The following FHIT variants were observed in gnomAD, a reference collection of about 807,000 sequenced individuals.
FHIT encodes bis(5'-adenosyl)-triphosphatase.
FHIT carries 19 observed loss-of-function variants against 17.9 expected under a neutral mutation model. That is an observed-to-expected ratio of 1.06 (90% CI 0.74 to 1.56). The LOEUF is 1.56. Ranked by LOEUF, FHIT falls within the 40% of genes most tolerant of loss-of-function variation. FHIT has a pLI of 0.00. For synonymous variants in FHIT, 81 were observed against 69.7 expected (o/e 1.16, Z -0.81); for missense variants, 248 against 189.2 (o/e 1.31, Z -1.82).
rs189727560 is a variant in FHIT, at chr3:60,573,762, T to A, written c.-17-36783A>T. Among the ~76,000 whole-genome samples, 292 of 151,984 alleles carry A rather than the reference T, an allele frequency of 1.9e-3. 4 individuals carry two copies. The highest frequency in any genetic ancestry group is 6.4e-3 in the African/African-American group (265 of 41,462). ...TTCCTCTACAGAGAAAACGAAAGAG[T>A]CTGCTATTGGTGATCATTCATTCTG... On this transcript the variant is annotated intron_variant, in intron 4 of 9. Transcript: ENST00000492590.
At chr3:60,083,782 G>T (rs1703386229) in intron 5 of FHIT, among the ~76,000 whole-genome samples, 1 of 152,212 alleles carries the variant, frequency 6.6e-6, no homozygotes, top group South Asian at 2.1e-4. Flanking sequence ...GGGTGTGGCT[G>T]TGTTCCAGTG....
chr3:60,410,323 TAAAG>T (rs1482819472), intron 5 of FHIT, among the ~76,000 whole-genome samples: 2 of 152,100 alleles, frequency 1.3e-5, no homozygotes, highest in African/African-American at 4.8e-5. Context: ...TTAAGGGTAC[TAAAG>T]AAAAGAAAGT....
At chr3:61,148,613 A>T (rs1033810742) in intron 2 of FHIT, among the ~76,000 whole-genome samples, 2 of 152,156 alleles carry the variant, frequency 1.3e-5, no homozygotes, top group African/African-American at 4.8e-5. Flanking sequence ...AAGGATAGAC[A>T]TTTGGATTTT....
At position 60,132,592 on chromosome 3, in the gene FHIT, T is replaced by C. The variant is rs539716693; in HGVS notation, c.104-118440A>G. On this transcript the variant is annotated intron_variant, in intron 5 of 9. Transcript: ENST00000492590. Reference sequence around the variant, plus strand: ...GAAGATACTTTTAGAATTGTGCCTATGCCCAAAAGTTAATAAATGGGTGAG... The same window carrying C: ...GAAGATACTTTTAGAATTGTGCCTACGCCCAAAAGTTAATAAATGGGTGAG... Among the ~76,000 whole-genome samples the C allele has an allele frequency of 3.3e-5, 5 of 152,304 alleles. No homozygotes were observed. In the South Asian group the frequency reaches 8.3e-4, roughly 25 times the overall value.
At chr3:60,714,372 A>C (rs1553706078) in intron 4 of FHIT, among the ~76,000 whole-genome samples, 1 of 152,124 alleles carries the variant, frequency 6.6e-6, no homozygotes, top group African/African-American at 2.4e-5. Context: ...GAAAACTGGC[A>C]CAAGACAGGG....
chr3:60,317,275 A>G (rs1307279422), intron 5 of FHIT, among the ~76,000 whole-genome samples: 1 of 152,072 alleles, frequency 6.6e-6, no homozygotes, highest in Admixed American at 6.6e-5. Context: ...CCCTATAACA[A>G]GTGCATATAT....
In FHIT at chr3:60,558,968, G is replaced by C. The variant is rs62251669; in HGVS notation, c.-17-21989C>G. On this transcript the variant is annotated intron_variant, in intron 4 of 9. Coordinates refer to ENST00000492590, the MANE Select transcript of FHIT (RefSeq NM_002012.4). ...TCCAGAATCTTGACTCTTTCAATTA[G>C]GAGCATGAATAACAAACTTCTAGCA... is the stretch of plus-strand genomic sequence containing the variant. Among the ~76,000 whole-genome samples the C allele has an allele frequency of 5.9e-3, 896 of 152,196 alleles. 4 individuals carry two copies. Among genetic ancestry groups the C allele is most frequent in the South Asian group, 0.022 (107 of 4,822 alleles).
chr3:60,360,192 T>A (rs1221261512), intron 5 of FHIT, among the ~76,000 whole-genome samples: 1 of 151,932 alleles, frequency 6.6e-6, no homozygotes, highest in Non-Finnish European at 1.5e-5. Flanking sequence ...AATCAAACTA[T>A]TAAACACTAA....
chr3:60,706,900 C>T (rs1245551319), intron 4 of FHIT, among the ~76,000 whole-genome samples: 2 of 152,156 alleles, frequency 1.3e-5, no homozygotes, highest in African/African-American at 2.4e-5. Context: ...ACAATTGTGG[C>T]ACTTACATCT....
At chr3:60,037,145 C>T (rs533916937) in intron 5 of FHIT, among the ~76,000 whole-genome samples, 1 of 152,184 alleles carries the variant, frequency 6.6e-6, no homozygotes, top group Non-Finnish European at 1.5e-5. Context: ...TAACCTCATT[C>T]GTGAATTTAT....
intron 2 of FHIT, among the ~76,000 whole-genome samples, chr3:61,072,904 T>C (rs1450546752): frequency 6.6e-6 from 1 of 152,112 alleles, no homozygotes; most frequent in African/African-American, 2.4e-5. Context: ...ATGTAGTTAA[T>C]AGAGAAAGTA....
chr3:60,837,537 T>G (rs955161516), intron 3 of FHIT, among the ~76,000 whole-genome samples: 16 of 152,188 alleles, frequency 1.1e-4, no homozygotes, highest in Non-Finnish European at 2.4e-4. Flanking sequence ...TTGGGTCATA[T>G]TTTTTAAACA....
intron 5 of FHIT, among the ~76,000 whole-genome samples, chr3:60,055,080 A>G (rs1702028571): frequency 6.6e-6 from 1 of 152,132 alleles, no homozygotes; most frequent in Non-Finnish European, 1.5e-5. Context: ...AAAGAAATAA[A>G]CTACCCCCAT....
chr3:60,982,501 C>A (rs965172322), intron 3 of FHIT, among the ~76,000 whole-genome samples: 2 of 152,190 alleles, frequency 1.3e-5, no homozygotes, highest in African/African-American at 4.8e-5. Flanking sequence ...ATATAATCAG[C>A]CTGGTCTGCT....
chr3:60,852,168 T>G (rs1703181392), intron 3 of FHIT, among the ~76,000 whole-genome samples: 1 of 152,120 alleles, frequency 6.6e-6, no homozygotes. Flanking sequence ...AAGAGGAAAC[T>G]CCTCTTACCT....
intron 4 of FHIT, among the ~76,000 whole-genome samples, chr3:60,594,601 C>T (rs1553665570): frequency 6.6e-6 from 1 of 151,876 alleles, no homozygotes; most frequent in East Asian, 2.0e-4. Flanking sequence ...ACACCTGAAT[C>T]CTCCTCCTCC....
At chr3:61,214,240 C>G (rs182182246) in intron 1 of FHIT, among the ~76,000 whole-genome samples, 1,738 of 149,690 alleles carry the variant, frequency 0.012, 18 homozygotes, top group Middle Eastern at 0.021. Flanking sequence ...AAAGGATCAA[C>G]AAAATTGACA....
chr3:60,138,256 A>G (rs1466616131), intron 5 of FHIT, among the ~76,000 whole-genome samples: 2 of 152,186 alleles, frequency 1.3e-5, no homozygotes, highest in African/African-American at 4.8e-5. Context: ...ATTGATGCTA[A>G]GCATCTGTAC....
intron 8 of FHIT, among the ~76,000 whole-genome samples, chr3:59,754,173 C>T (rs536672376): frequency 6.0e-5 from 9 of 151,228 alleles, no homozygotes; most frequent in African/African-American, 2.2e-4. Context: ...GGAACCATAG[C>T]CTCGCACTCC....
Sources: gnomAD v4.1 joint callset for allele counts (sites outside exome capture counted in the v4.1 genomes callset) on GRCh38, gnomAD v4.1.1 for gene constraint, MANE v1.5 for transcripts, NCBI Gene and HGNC (gene_info 2026-07-23, HGNC 2026-07-21) for gene names.